MERTK: variants seen among roughly 807,000 people sequenced by gnomAD.
MERTK encodes the protein MER proto-oncogene, tyrosine kinase.
A neutral mutation model predicts 99.3 loss-of-function variants in MERTK; 69 were observed. The ratio of observed to expected loss-of-function variants is 0.70; its 90% CI spans 0.57 to 0.85. The LOEUF is 0.85. MERTK is among the 40% of genes least tolerant of loss of function. MERTK has a pLI of 0.00. For missense variants in MERTK, 1,125 were observed against 1,249.4 expected (o/e 0.90, Z 1.50); for synonymous variants, 426 against 467.6 (o/e 0.91, Z 1.15).
chr2:111,941,547 C>T (rs531160780), intron 2 of MERTK, among the ~76,000 whole-genome samples: 109 of 152,252 alleles, frequency 7.2e-4, no homozygotes, highest in South Asian at 1.2e-3. Context: ...GTTCTGAGCC[C>T]GGAGCCTTTC....
At chr2:111,913,981 C>A (rs531248657) in intron 1 of MERTK, among the ~76,000 whole-genome samples, 22 of 151,786 alleles carry the variant, frequency 1.4e-4, no homozygotes, top group Admixed American at 4.6e-4. Flanking sequence ...CAACTTTCAG[C>A]ACGGTGTTGA....
rs577557408 is a variant in MERTK, at chr2:111,938,802, C to T, written c.483-6158C>T. Among the ~76,000 whole-genome samples the T allele has an allele frequency of 1.3e-4, 20 of 152,266 alleles. No individual in the cohort carries two copies. In the South Asian group the frequency reaches 4.1e-3, roughly 32 times the overall value. ...CTTTTTTCCACTCCAGCCCCCAGCC[C>T]TCTCCCTGTAGGGAATGGAGATTAC... On this transcript the variant is annotated intron_variant, in intron 2 of 18. Transcript: ENST00000295408.
chr2:111,979,813 AT>A (rs1303648580), intron 7 of MERTK, among the ~76,000 whole-genome samples: 4 of 151,720 alleles, frequency 2.6e-5, no homozygotes, highest in African/African-American at 9.7e-5. Flanking sequence ...TATCTCAATT[AT>A]TTTTTGTTTG....
Position 111,967,330 on chromosome 2 carries a change from T to C in MERTK, c.845-807T>C, listed in dbSNP as rs373241279. Reference sequence around the variant, plus strand: ...TTCTCTAATTGGATTCTAGGAATGATTAAAGAAAGCCCTCAAAGTGTCTGG... The same window carrying C: ...TTCTCTAATTGGATTCTAGGAATGACTAAAGAAAGCCCTCAAAGTGTCTGG... On this transcript the variant is annotated intron_variant, in intron 5 of 18. Coordinates refer to ENST00000295408, the MANE Select transcript of MERTK (RefSeq NM_006343.3). Among the ~76,000 whole-genome samples, 6 of 152,340 alleles carry C rather than the reference T, an allele frequency of 3.9e-5. No individual in the cohort carries two copies. The East Asian group carries it at 7.7e-4, about 20-fold the overall frequency.
At position 111,898,745 on chromosome 2, in the gene MERTK, G is replaced by T. The variant is rs1326403828; in HGVS notation, c.10G>T (p.Ala4Ser). ...GATCCGCAGCCCCGGGATGGGGCCG[G>T]CCCCGCTGCCGCTGCTGCTGGGCCT... Reference protein sequence around the residue: MGPAPLPLLLGLFL... With the variant: MGPSPLPLLLGLFL... Residue 4 changes from alanine to serine, a missense_variant, in exon 1 of 19, where the codon GCC (alanine) becomes TCC (serine). By Grantham distance (99) the Ala-to-Ser change is moderately conservative. Transcript: ENST00000295408. 6.2e-7 allele frequency: 1 copy of T among 1,606,204 alleles called. No homozygotes were observed. Among genetic ancestry groups the T allele is most frequent in the Non-Finnish European group, 8.5e-7 (1 of 1,176,988 alleles).
intron 8 of MERTK, among the ~76,000 whole-genome samples, chr2:111,993,158 A>G (rs1038582747): frequency 6.6e-6 from 1 of 151,938 alleles, no homozygotes. Flanking sequence ...AGCAGAGAAA[A>G]CTGCTTGTTT....
intron 4 of MERTK, among the ~76,000 whole-genome samples, chr2:111,958,592 G>T (rs1445936383): frequency 1.3e-5 from 2 of 152,206 alleles, no homozygotes; most frequent in Non-Finnish European, 2.9e-5. Flanking sequence ...AATACATTGT[G>T]TGGTTACTGC....
intron 1 of MERTK, among the ~76,000 whole-genome samples, chr2:111,902,046 T>C (rs752507944): frequency 2.6e-5 from 4 of 152,088 alleles, no homozygotes; most frequent in Non-Finnish European, 4.4e-5. Flanking sequence ...CCACCACGCC[T>C]GGCTAATTTT....
rs113188695 is a variant in MERTK at position 111,917,883 on chromosome 2, T to A, written c.62-11237T>A. ...CTGGTGACAGAGTGAGACTCTGTCT[T>A]AAAAAAAAAAAAAAATGCCAAAAGA... is the stretch of plus-strand genomic sequence containing the variant. On this transcript the variant is annotated intron_variant, in intron 1 of 18. Transcript: ENST00000295408. Among the ~76,000 whole-genome samples the A allele has an allele frequency of 9.2e-5, 13 of 141,696 alleles. No homozygotes were observed. In the East Asian group the frequency reaches 2.1e-3, roughly 23 times the overall value. 93.0% of individuals were successfully genotyped at this position (141,696 alleles called of 152,430 possible).
At chr2:112,000,904 A>T (rs957304832) in intron 10 of MERTK, among the ~76,000 whole-genome samples, 2 of 152,058 alleles carry the variant, frequency 1.3e-5, no homozygotes, top group African/African-American at 4.8e-5. Context: ...ATGGATATTC[A>T]TTTTATACTC....
Position 112,007,421 on chromosome 2 carries a change from T to A in MERTK, c.1868-962T>A, listed in dbSNP as rs183793261. 1.6e-3 allele frequency among the ~76,000 whole-genome samples: 245 copies of A among 152,330 alleles called. 3 individuals carry two copies. In the East Asian group the frequency reaches 0.038, roughly 24 times the overall value. On this transcript the variant is annotated intron_variant, in intron 13 of 18. Coordinates refer to ENST00000295408, the MANE Select transcript of MERTK (RefSeq NM_006343.3). ...CACCCACCTCAGCCTCCCAAAGTGC[T>A]GGGATTACAGGCGTGAGCCACTGCG...
At chr2:111,970,588 C>T (rs927248992) in intron 6 of MERTK, among the ~76,000 whole-genome samples, 31 of 152,196 alleles carry the variant, frequency 2.0e-4, no homozygotes, top group Non-Finnish European at 1.5e-5. Context: ...AGATATTTGT[C>T]TGTAGTTTTC....
chr2:112,004,833 C>T (rs10185394), intron 13 of MERTK, among the ~76,000 whole-genome samples: 9,740 of 148,788 alleles, frequency 0.065, 370 homozygotes, highest in African/African-American at 0.11. Flanking sequence ...ACTCGGGAGG[C>T]GGAAGTTGCA....
intron 4 of MERTK, among the ~76,000 whole-genome samples, chr2:111,962,459 A>T (rs1481966816): frequency 6.6e-6 from 1 of 152,152 alleles, no homozygotes; most frequent in African/African-American, 2.4e-5. Flanking sequence ...GTGAGCCGGG[A>T]TTGCACCATT....
At position 112,021,632 on chromosome 2, in the gene MERTK, T is replaced by C. The variant is rs79493939; in HGVS notation, c.2349+51T>C. The C allele has an allele frequency of 2.9e-4, 440 of 1,535,956 alleles. 3 individuals are homozygous for C. The African/African-American group carries it at 4.9e-3, about 17-fold the overall frequency. On this transcript the variant is annotated intron_variant, in intron 17 of 18. Coordinates refer to ENST00000295408, the MANE Select transcript of MERTK (RefSeq NM_006343.3). ...GTCCCACAGCACAAAGAGGAGGGCA[T>C]ATTGAAAGAAATGACCTCAGCTGGT...
At chr2:112,023,534 G>T (rs999244633) in intron 18 of MERTK, among the ~76,000 whole-genome samples, 5 of 152,032 alleles carry the variant, frequency 3.3e-5, no homozygotes, top group Non-Finnish European at 7.4e-5. Flanking sequence ...TCCTGACAGG[G>T]CCCCCGTCTT....
intron 1 of MERTK, among the ~76,000 whole-genome samples, chr2:111,916,287 C>G (rs756522561): frequency 3.9e-5 from 6 of 152,150 alleles, no homozygotes; most frequent in African/African-American, 7.2e-5. Context: ...GCCACCGCGC[C>G]TGGCCCTTCA....
At chr2:111,986,180 T>G (rs991149634) in intron 8 of MERTK, among the ~76,000 whole-genome samples, 2 of 152,198 alleles carry the variant, frequency 1.3e-5, no homozygotes. Flanking sequence ...ATCATGGTAT[T>G]AATTCATTTT....
chr2:111,939,691 A>G (rs533388683), intron 2 of MERTK, among the ~76,000 whole-genome samples: 72 of 100,704 alleles, frequency 7.1e-4, no homozygotes, highest in African/African-American at 2.5e-3. Context: ...TTGGTAAGAG[A>G]TGGGTTCTCG....
Sources: gnomAD v4.1 joint callset for allele counts (sites outside exome capture counted in the v4.1 genomes callset) on GRCh38, gnomAD v4.1.1 for gene constraint, MANE v1.5 for transcripts, NCBI Gene and HGNC (gene_info 2026-07-23, HGNC 2026-07-21) for gene names.